SYN3: variants seen among roughly 807,000 people sequenced by gnomAD.
The protein encoded by SYN3 is synapsin III, also known as synapsin-3.
A neutral mutation model predicts 65.8 loss-of-function variants in SYN3; 35 were observed. That is an observed-to-expected ratio of 0.53 (90% CI 0.41 to 0.70). The LOEUF is 0.70. Among genes scored for constraint, SYN3 ranks in the 30% least tolerant of loss-of-function variants. The pLI is 0.00. For synonymous variants in SYN3, 270 were observed against 292.9 expected, an observed-to-expected ratio of 0.92 and a Z score of 0.80; for missense variants, 680 against 749.0, an observed-to-expected ratio of 0.91 and a Z score of 1.08.
At chr22:32,816,929 T>C (rs2047100358) in intron 6 of SYN3, among the ~76,000 whole-genome samples, 2 of 152,110 alleles carry the variant, frequency 1.3e-5, no homozygotes, top group Admixed American at 1.3e-4. Context: ...TCTTAAGAAA[T>C]GTTCTTTGGA....
intron 4 of SYN3, among the ~76,000 whole-genome samples, chr22:32,871,609 T>A (rs1028391567): frequency 2.6e-5 from 4 of 151,972 alleles, no homozygotes; most frequent in African/African-American, 7.3e-5. Flanking sequence ...TTTATTTTTT[T>A]AAATTATTAT....
intron 2 of SYN3, among the ~76,000 whole-genome samples, chr22:32,985,865 T>G (rs2052510249): frequency 6.6e-6 from 1 of 152,032 alleles, no homozygotes; most frequent in African/African-American, 2.4e-5. Flanking sequence ...TTCTCATGTT[T>G]CAAGATCCTA....
intron 6 of SYN3, among the ~76,000 whole-genome samples, chr22:32,624,748 G>A (rs952414687): frequency 6.6e-5 from 10 of 152,330 alleles, no homozygotes; most frequent in African/African-American, 1.9e-4. Context: ...TCTGGGCCCT[G>A]CCAACAGGAA....
In SYN3 at chr22:32,837,165, C is replaced by G. The variant is rs2047756057; in HGVS notation, c.711+27750G>C. ...CTTCAAAAATGCCCCGACCTGAAAG[C>G]TGGAAGTTCTGAGAACCGTTTGAGG... On this transcript the variant is annotated intron_variant, in intron 6 of 13. Coordinates refer to ENST00000358763, the MANE Select transcript of SYN3 (RefSeq NM_003490.4). This position sits in a 1 kb window ranked among gnomAD's most constrained non-coding sequence, Gnocchi z 4.1. Among the ~76,000 whole-genome samples, 1 of 152,214 alleles carries G rather than the reference C, an allele frequency of 6.6e-6. No individual in the cohort carries two copies.
chr22:32,698,259 G>A (rs1205858615), intron 6 of SYN3, among the ~76,000 whole-genome samples: 1 of 152,108 alleles, frequency 6.6e-6, no homozygotes, highest in Non-Finnish European at 1.5e-5. Flanking sequence ...TCAAGGTGGG[G>A]TCTGAAGGGG....
chr22:32,664,482 G>C (rs1047005860), intron 6 of SYN3, among the ~76,000 whole-genome samples: 52 of 151,570 alleles, frequency 3.4e-4, no homozygotes, highest in African/African-American at 1.1e-3. Flanking sequence ...GGTTTTTGGG[G>C]AACAGGAGGT....
At chr22:32,826,772 T>C (rs1003663447) in intron 6 of SYN3, among the ~76,000 whole-genome samples, 1 of 152,146 alleles carries the variant, frequency 6.6e-6, no homozygotes, top group Admixed American at 6.5e-5. Flanking sequence ...CACTATCCAG[T>C]CCCAAGCCTG....
chr22:32,958,408 C>G (rs1569357093), intron 3 of SYN3, among the ~76,000 whole-genome samples: 1 of 152,124 alleles, frequency 6.6e-6, no homozygotes, highest in Non-Finnish European at 1.5e-5. Flanking sequence ...AATAATTATC[C>G]CAGCCAGTAC....
chr22:32,700,734 AT>A (rs560439030), intron 6 of SYN3, among the ~76,000 whole-genome samples: 132 of 152,302 alleles, frequency 8.7e-4, no homozygotes, highest in African/African-American at 3.0e-3. Flanking sequence ...TAAATGAAAA[AT>A]AGCTTTAAAC....
Position 32,527,933 on chromosome 22 carries a change from G to T in SYN3, c.1303C>A (p.Arg435Ser), listed in dbSNP as rs201577025. Residue 435 changes from arginine (R) to serine (S), a missense_variant, in exon 12 of 14, where the codon CGC becomes AGC. Transcript: ENST00000358763. ...LGPQLGQPQP[R>S]PPPQGGPRQA... Reference sequence around the variant, plus strand: ...TGGGTCATACCTTGCGGAGGTGGGCGTGGCTGGGGCTGGCCTAGCTGAGGC... The same window carrying T: ...TGGGTCATACCTTGCGGAGGTGGGCTTGGCTGGGGCTGGCCTAGCTGAGGC... 3.8e-6 allele frequency: 6 copies of T among 1,589,114 alleles called. No homozygotes were observed. In the East Asian group the frequency reaches 1.1e-4, roughly 30 times the overall value.
At position 32,885,432 on chromosome 22, in the gene SYN3, C is replaced by T. The variant is rs192636723; in HGVS notation, c.462-16307G>A. Among the ~76,000 whole-genome samples, 24 of 152,270 alleles carry T rather than the reference C, an allele frequency of 1.6e-4. 1 individual carries two copies. Among genetic ancestry groups the T allele is most frequent in the Admixed American group, 1.1e-3 (17 of 15,292 alleles). ...TTATCAGTGAGCCACCCTGGTGCCC[C>T]GGGCCATACCCTCATGCCTATGAAA... On this transcript the variant is annotated intron_variant, in intron 4 of 13. Coordinates refer to ENST00000358763, the MANE Select transcript of SYN3 (RefSeq NM_003490.4).
intron 1 of SYN3, among the ~76,000 whole-genome samples, chr22:33,050,656 C>G (rs1271193253): frequency 6.6e-6 from 1 of 152,118 alleles, no homozygotes; most frequent in Non-Finnish European, 1.5e-5. Flanking sequence ...CACATGACTT[C>G]TAGTACAGAA....
chr22:32,872,317 T>G (rs901432556), intron 4 of SYN3, among the ~76,000 whole-genome samples: 1 of 152,178 alleles, frequency 6.6e-6, no homozygotes, highest in South Asian at 2.1e-4. Context: ...ATGAACATGA[T>G]GTGAAATGGC....
In SYN3 at chr22:33,028,643, ATGGTGGTGGTGGTGGTGG is replaced by A. The variant is rs133971; in HGVS notation, c.-162-21837_-162-21820del. Among the ~76,000 whole-genome samples the A allele has an allele frequency of 8.1e-4, 75 of 93,130 alleles. 2 individuals carry two copies. Among genetic ancestry groups the A allele is most frequent in the East Asian group, 4.4e-3 (11 of 2,526 alleles). The allele number at this position is 93,130 out of a possible 152,430, so 61.1% of individuals were successfully genotyped here. On this transcript the variant is annotated intron_variant, in intron 1 of 13. Coordinates refer to ENST00000358763, the MANE Select transcript of SYN3 (RefSeq NM_003490.4). ...ACTAGGAAGTATAATAAGAACCATG[ATGGTGGTGGTGGTGGTGG>A]TGGTGGTGGTGGTGGTGGTGGTGGT...
intron 7 of SYN3, among the ~76,000 whole-genome samples, chr22:32,558,111 T>C (rs758063285): frequency 6.6e-6 from 1 of 152,112 alleles, no homozygotes; most frequent in Non-Finnish European, 1.5e-5. Context: ...ACCTAGCACA[T>C]AGTAGGTGCT....
intron 3 of SYN3, among the ~76,000 whole-genome samples, chr22:32,940,358 A>G (rs552814474): frequency 3.2e-4 from 48 of 150,884 alleles, no homozygotes; most frequent in Admixed American, 8.0e-4. Context: ...TTATGCACAC[A>G]CATATGTATA....
chr22:32,710,090 C>CAT (rs569152203), intron 6 of SYN3, among the ~76,000 whole-genome samples: 283 of 97,140 alleles, frequency 2.9e-3, no homozygotes, highest in Non-Finnish European at 3.9e-3. Context: ...CACACACACA[C>CAT]ACACACACAT....
chr22:33,038,955 C>T (rs919472652), intron 1 of SYN3, among the ~76,000 whole-genome samples: 1 of 152,222 alleles, frequency 6.6e-6, no homozygotes, highest in Non-Finnish European at 1.5e-5. Flanking sequence ...TCTGCAAAAC[C>T]TGCAACAGCA....
rs115587337 is a variant in SYN3 at position 32,547,031 on chromosome 22, C to T, written c.775-5318G>A. 2.7e-3 allele frequency among the ~76,000 whole-genome samples: 412 copies of T among 152,132 alleles called. 1 individual carries two copies. The highest frequency in any genetic ancestry group is 9.3e-3 in the African/African-American group (385 of 41,512). On this transcript the variant is annotated intron_variant, in intron 7 of 13. Transcript: ENST00000358763. ...TCTCTCTCTGTCGCCTAAGCTGGAGCGCAGTGGCACAGTCAGGGCTCACTG... is the reference window on the plus strand; with the variant it reads ...TCTCTCTCTGTCGCCTAAGCTGGAGTGCAGTGGCACAGTCAGGGCTCACTG...
Sources: allele counts gnomAD v4.1 joint callset (sites outside exome capture counted in the v4.1 genomes callset), GRCh38; gene constraint gnomAD v4.1.1; non-coding constraint Gnocchi (gnomAD v3.1); transcripts MANE v1.5; gene names NCBI Gene and HGNC (gene_info 2026-07-23, HGNC 2026-07-21).